Variants in NKAIN2 observed in about 807,000 individuals in gnomAD.
The protein encoded by NKAIN2 is sodium/potassium-transporting ATPase subunit beta-1-interacting protein 2.
In NKAIN2, 14 loss-of-function variants were observed where a neutral mutation model predicts 32.6. The observed-to-expected ratio is 0.43, with a 90% CI of 0.28 to 0.67. NKAIN2 has a LOEUF of 0.67. Ranked by LOEUF, NKAIN2 falls within the 30% of genes least tolerant of loss-of-function variation. The pLI, the probability that NKAIN2 is intolerant of heterozygous loss-of-function variation, is 0.17. For missense variants in NKAIN2, 198 were observed against 258.3 expected, an observed-to-expected ratio of 0.77 and a Z score of 1.60; for synonymous variants, 80 against 87.2, an observed-to-expected ratio of 0.92 and a Z score of 0.46.
At chr6:123,864,922 A>G (rs1328767401) in intron 1 of NKAIN2, among the ~76,000 whole-genome samples, 1 of 152,118 alleles carries the variant, frequency 6.6e-6, no homozygotes. Context: ...ACACAGAAAT[A>G]TCTTGGTTAA....
chr6:124,631,398 T>G (rs1267617057), intron 3 of NKAIN2, among the ~76,000 whole-genome samples: 1 of 152,192 alleles, frequency 6.6e-6, no homozygotes, highest in African/African-American at 2.4e-5. Context: ...AAGTTTACAT[T>G]TTCCTGTCTA....
At chr6:124,406,143 T>G (rs1773850640) in intron 3 of NKAIN2, among the ~76,000 whole-genome samples, 2 of 152,008 alleles carry the variant, frequency 1.3e-5, no homozygotes, top group African/African-American at 2.4e-5. Flanking sequence ...ATGTATATAC[T>G]TAAGAAACCA....
At chr6:124,523,122 G>A (rs1238048796) in intron 3 of NKAIN2, among the ~76,000 whole-genome samples, 1 of 24,984 alleles carries the variant, frequency 4.0e-5, no homozygotes, top group African/African-American at 4.7e-5. Context: ...CCGCCTGGGC[G>A]ACAGAGCGAG....
At chr6:124,719,953 A>G (rs1286019402) in intron 4 of NKAIN2, among the ~76,000 whole-genome samples, 1 of 152,134 alleles carries the variant, frequency 6.6e-6, no homozygotes, top group Non-Finnish European at 1.5e-5. Flanking sequence ...TTTCTCACAC[A>G]TGCTCTCTTT....
chr6:123,831,396 G>A (rs145549512), intron 1 of NKAIN2, among the ~76,000 whole-genome samples: 145 of 149,718 alleles, frequency 9.7e-4, no homozygotes, highest in Non-Finnish European at 1.8e-3. Flanking sequence ...TTGGCAATAG[G>A]ATTTATTTTT....
chr6:124,106,941 G>A (rs79335075), intron 1 of NKAIN2, among the ~76,000 whole-genome samples: 2,667 of 152,252 alleles, frequency 0.018, 78 homozygotes, highest in African/African-American at 0.061. Flanking sequence ...TACCATATTA[G>A]AGATAGGCAC....
In NKAIN2 at chr6:124,573,027, A is replaced by G. The variant is rs146375415; in HGVS notation, c.274-85159A>G. Among the ~76,000 whole-genome samples the G allele has an allele frequency of 7.4e-3, 1,124 of 152,068 alleles. 51 individuals carry two copies. The East Asian group carries it at 0.14, about 19-fold the overall frequency. ...GCTAATTTTTGTATTTTTAGTAGAG[A>G]TGGGGTTTCACTCCGTTGGCCAAGC... On this transcript the variant is annotated intron_variant, in intron 3 of 6. Transcript: ENST00000368417.
intron 1 of NKAIN2, among the ~76,000 whole-genome samples, chr6:124,064,569 T>C (rs568908667): frequency 6.6e-6 from 1 of 152,254 alleles, no homozygotes; most frequent in Non-Finnish European, 1.5e-5. Context: ...TCTATTTCTC[T>C]AGGCAACGGT....
chr6:124,067,570 T>C (rs73770343), intron 1 of NKAIN2, among the ~76,000 whole-genome samples: 1,891 of 152,298 alleles, frequency 0.012, 37 homozygotes, highest in African/African-American at 0.044. Context: ...AAACACTTTG[T>C]ACTGAAATGT....
At chr6:123,861,677 A>C (rs1370225553) in intron 1 of NKAIN2, among the ~76,000 whole-genome samples, 5 of 152,180 alleles carry the variant, frequency 3.3e-5, no homozygotes, top group Admixed American at 2.6e-4. Context: ...TAGTTAGATA[A>C]TTCATTTTAT....
At chr6:124,741,334 A>C (rs1777199452) in intron 4 of NKAIN2, among the ~76,000 whole-genome samples, 1 of 151,880 alleles carries the variant, frequency 6.6e-6, no homozygotes, top group African/African-American at 2.4e-5. Flanking sequence ...GAGAGTGAAT[A>C]GCAACATTAA....
intron 3 of NKAIN2, among the ~76,000 whole-genome samples, chr6:124,594,406 TG>T (rs1489116176): frequency 6.6e-6 from 1 of 152,078 alleles, no homozygotes; most frequent in Non-Finnish European, 1.5e-5. Flanking sequence ...TTAAAAGAGT[TG>T]AAAAAAGGAG....
chr6:124,053,081 A>T (rs1285365800), intron 1 of NKAIN2, among the ~76,000 whole-genome samples: 1 of 151,938 alleles, frequency 6.6e-6, no homozygotes, highest in East Asian at 1.9e-4. Context: ...TTTAAATTTT[A>T]TTTTATTATT....
chr6:124,036,637 A>G (rs1781615795), intron 1 of NKAIN2, among the ~76,000 whole-genome samples: 1 of 152,122 alleles, frequency 6.6e-6, no homozygotes, highest in Non-Finnish European at 1.5e-5. Flanking sequence ...AAGTTCCTTT[A>G]CAAACAAAAT....
chr6:124,063,049 G>A (rs1782989404), intron 1 of NKAIN2, among the ~76,000 whole-genome samples: 1 of 152,022 alleles, frequency 6.6e-6, no homozygotes, highest in Non-Finnish European at 1.5e-5. Flanking sequence ...CGCCCGGCAT[G>A]CTGATGGGTT....
rs1329515117 is a variant in NKAIN2 at position 124,358,696 on chromosome 6, C to T, written c.273+3349C>T. On this transcript the variant is annotated intron_variant, in intron 3 of 6. Coordinates refer to ENST00000368417, the MANE Select transcript of NKAIN2 (RefSeq NM_001040214.3). ...GGCCCTTTGTCAGATGAGTAGATTG[C>T]ACAAATTTTCTCCCATGTTGTAGGT... 5.6e-3 allele frequency among the ~76,000 whole-genome samples: 845 copies of T among 150,688 alleles called. 9 individuals carry two copies. Among genetic ancestry groups the T allele is most frequent in the African/African-American group, 0.02 (805 of 40,058 alleles).
intron 2 of NKAIN2, among the ~76,000 whole-genome samples, chr6:124,333,606 G>A (rs1481392533): frequency 2.0e-5 from 3 of 152,078 alleles, no homozygotes; most frequent in Non-Finnish European, 4.4e-5. Flanking sequence ...GTTGCAGTGA[G>A]CTGAGATCAC....
chr6:124,355,648 A>G (rs1247363801), intron 3 of NKAIN2, among the ~76,000 whole-genome samples: 3 of 152,116 alleles, frequency 2.0e-5, no homozygotes, highest in Admixed American at 6.6e-5. Flanking sequence ...TTTTTCAGAG[A>G]AAAAAATCTT....
At chr6:123,913,272 G>T (rs980653108) in intron 1 of NKAIN2, among the ~76,000 whole-genome samples, 2 of 152,076 alleles carry the variant, frequency 1.3e-5, no homozygotes, top group Non-Finnish European at 2.9e-5. Context: ...AACAAATAGG[G>T]CCTAAAATCA....
Sources: gnomAD v4.1 joint callset for allele counts (sites outside exome capture counted in the v4.1 genomes callset) on GRCh38, gnomAD v4.1.1 for gene constraint, MANE v1.5 for transcripts, NCBI Gene and HGNC (gene_info 2026-07-23, HGNC 2026-07-21) for gene names.